ZBTB7C: variants seen among roughly 807,000 people sequenced by gnomAD.
The protein encoded by ZBTB7C is zinc finger and BTB domain-containing protein 7C.
Under a neutral mutation model 25.7 loss-of-function variants are expected in ZBTB7C, and 8 were observed. That is an observed-to-expected ratio of 0.31 (90% confidence interval 0.18 to 0.56). The LOEUF (loss-of-function observed/expected upper bound fraction) is 0.56, where lower values mean the gene tolerates loss of function less well. ZBTB7C is among the 20% of genes least tolerant of loss of function. The pLI, the probability that ZBTB7C is intolerant of heterozygous loss-of-function variation, is 0.91. For synonymous variants in ZBTB7C, 394 were observed against 369.0 expected (o/e 1.07, Z -0.78); for missense variants, 824 against 855.2 (o/e 0.96, Z 0.46).
intron 2 of ZBTB7C, among the ~76,000 whole-genome samples, chr18:48,271,042 A>G (rs1363388883): frequency 6.6e-6 from 1 of 152,212 alleles, no homozygotes; most frequent in Non-Finnish European, 1.5e-5. Context: ...TAACTTTCTC[A>G]AGAAGAAATA....
chr18:48,312,663 T>C (rs2045849211), intron 2 of ZBTB7C, among the ~76,000 whole-genome samples: 2 of 152,214 alleles, frequency 1.3e-5, no homozygotes. Flanking sequence ...GTTGTGAGAA[T>C]TAACAAGCTT....
intron 2 of ZBTB7C, among the ~76,000 whole-genome samples, chr18:48,269,918 T>C (rs1234119666): frequency 1.3e-5 from 2 of 152,068 alleles, no homozygotes; most frequent in Non-Finnish European, 2.9e-5. Flanking sequence ...AATGACAAAT[T>C]CTCAGATTAA....
At chr18:48,287,130 G>A (rs192583018) in intron 2 of ZBTB7C, among the ~76,000 whole-genome samples, 1 of 151,986 alleles carries the variant, frequency 6.6e-6, no homozygotes, top group Admixed American at 6.6e-5. Context: ...AGTAACAAAC[G>A]GTAACTAAGA....
At chr18:48,074,460 G>A (rs1292295669) in intron 3 of ZBTB7C, among the ~76,000 whole-genome samples, 1 of 152,250 alleles carries the variant, frequency 6.6e-6, no homozygotes, top group Non-Finnish European at 1.5e-5. Context: ...TACACAGTAG[G>A]TGCTCAGCAG....
chr18:48,374,633 T>C (rs2047472850), intron 1 of ZBTB7C, among the ~76,000 whole-genome samples: 1 of 152,224 alleles, frequency 6.6e-6, no homozygotes. Flanking sequence ...GAGCCTCTTA[T>C]CTGTTTAACC....
chr18:48,075,316 C>T (rs1046636931), intron 3 of ZBTB7C, among the ~76,000 whole-genome samples: 1 of 152,206 alleles, frequency 6.6e-6, no homozygotes, highest in South Asian at 2.1e-4. Flanking sequence ...ACAAGCTCTC[C>T]AGTCTTAGCT....
At chr18:48,056,258 G>A (rs1053844116) in intron 3 of ZBTB7C, among the ~76,000 whole-genome samples, 2 of 152,162 alleles carry the variant, frequency 1.3e-5, no homozygotes, top group East Asian at 1.9e-4. Context: ...GATACAACTC[G>A]TATTTGGACA....
intron 3 of ZBTB7C, among the ~76,000 whole-genome samples, chr18:48,185,078 G>A (rs2042023888): frequency 6.6e-6 from 1 of 152,038 alleles, no homozygotes; most frequent in South Asian, 2.1e-4. Flanking sequence ...CATTCCTGAA[G>A]CCATGCCAAG....
At chr18:48,281,051 G>A (rs539252643) in intron 2 of ZBTB7C, among the ~76,000 whole-genome samples, 18 of 151,836 alleles carry the variant, frequency 1.2e-4, no homozygotes, top group Admixed American at 4.6e-4. Context: ...ACGGGGTTTC[G>A]CCATGTTGGC....
chr18:48,351,849 GA>G (rs2046870084), intron 1 of ZBTB7C, among the ~76,000 whole-genome samples: 2 of 152,302 alleles, frequency 1.3e-5, no homozygotes, highest in Admixed American at 1.3e-4. Context: ...GCCAAGCTCA[GA>G]ATCCTACCCT....
chr18:48,400,698 T>A (rs1236223380), intron 1 of ZBTB7C, among the ~76,000 whole-genome samples: 7 of 152,244 alleles, frequency 4.6e-5, no homozygotes, highest in Admixed American at 4.6e-4. Context: ...GTGTTACATA[T>A]TGAAATGATA....
At chr18:48,106,842 T>TG (rs1240877950) in intron 3 of ZBTB7C, among the ~76,000 whole-genome samples, 2 of 105,480 alleles carry the variant, frequency 1.9e-5, no homozygotes, top group African/African-American at 7.3e-5. Context: ...GGGTGGGGAA[T>TG]GGGGTGGGGA....
intron 1 of ZBTB7C, among the ~76,000 whole-genome samples, chr18:48,342,844 C>T (rs1031699248): frequency 3.9e-5 from 6 of 152,040 alleles, no homozygotes; most frequent in African/African-American, 9.7e-5. Flanking sequence ...CAAGTGTTGC[C>T]GGACACACTT....
In ZBTB7C at chr18:48,041,120, A is replaced by C. The variant is rs777230055; in HGVS notation, c.-13T>G. 1 of 1,580,624 alleles carries C rather than the reference A, an allele frequency of 6.3e-7. No homozygotes were observed. Among genetic ancestry groups the C allele is most frequent in the Non-Finnish European group, 8.6e-7 (1 of 1,160,948 alleles). ...TGTCATTGGCCATGTTCTCAGCCAG[A>C]GCCCTGCAGAGACACACAGAGAAGA... On this transcript the variant is annotated 5_prime_UTR_variant, in exon 4 of 5. Transcript: ENST00000590800.
chr18:48,181,832 T>C (rs978810764), intron 3 of ZBTB7C, among the ~76,000 whole-genome samples: 1 of 152,242 alleles, frequency 6.6e-6, no homozygotes, highest in Non-Finnish European at 1.5e-5. Flanking sequence ...CTATGCATGT[T>C]AGATGTGTCT....
chr18:48,048,013 G>A (rs374010040), intron 3 of ZBTB7C, among the ~76,000 whole-genome samples: 1 of 152,240 alleles, frequency 6.6e-6, no homozygotes, highest in African/African-American at 2.4e-5. Context: ...TCACCATGCT[G>A]CCCCCTGGGA....
intron 2 of ZBTB7C, among the ~76,000 whole-genome samples, chr18:48,330,613 G>A (rs1416816265): frequency 6.6e-6 from 1 of 151,616 alleles, no homozygotes; most frequent in East Asian, 1.9e-4. Flanking sequence ...TTGGGTGTCT[G>A]AGTCATATTT....
intron 3 of ZBTB7C, among the ~76,000 whole-genome samples, chr18:48,146,028 G>A (rs900604978): frequency 2.0e-5 from 3 of 152,044 alleles, no homozygotes; most frequent in Non-Finnish European, 2.9e-5. Context: ...TATACATTTT[G>A]TATTTAATTT....
intron 3 of ZBTB7C, chr18:48,137,361 C>A (rs2040204558): frequency 8.2e-6 from 8 of 981,576 alleles, no homozygotes; most frequent in Non-Finnish European, 9.7e-6. Context: ...GGTGGAGGAG[C>A]TTTTCTTTTC....
Sources: allele counts gnomAD v4.1 joint callset (sites outside exome capture counted in the v4.1 genomes callset), GRCh38; gene constraint gnomAD v4.1.1; transcripts MANE v1.5; gene names NCBI Gene and HGNC (gene_info 2026-07-23, HGNC 2026-07-21).